The following LCT variants were observed in gnomAD, a reference collection of about 807,000 sequenced individuals.
LCT encodes lactase/phlorizin hydrolase.
In LCT, 90 loss-of-function variants were observed where a neutral mutation model predicts 173.0. The ratio of observed to expected loss-of-function variants is 0.52; its 90% CI spans 0.44 to 0.62. The LOEUF (loss-of-function observed/expected upper bound fraction) is 0.62. LCT is among the 20% of genes least tolerant of loss of function. The pLI is 0.00. For missense variants in LCT, 1,864 were observed against 2,431.4 expected (o/e 0.77, Z 4.91); for synonymous variants, 853 against 957.6 (o/e 0.89, Z 2.02).
chr2:135,789,498 A>C, intron 16 of LCT, 73 bp downstream of exon 16: 1 of 1,052,842 alleles, frequency 9.5e-7, no homozygotes, highest in Non-Finnish European at 1.5e-6. Context: ...AACTAGAAGA[A>C]AACAGACTGA....
chr2:135,830,229 T>C (rs896896273), intron 2 of LCT, among the ~76,000 whole-genome samples: 1 of 152,120 alleles, frequency 6.6e-6, no homozygotes, highest in African/African-American at 2.4e-5. Context: ...CACTGGGGAC[T>C]TCCTCTTTAG....
At position 135,803,989 on chromosome 2, in the gene LCT, G is replaced by A. The variant is rs747969940; in HGVS notation, c.4604C>T (p.Thr1535Met). The change falls in exon 11 of 17, where the codon ACG becomes ATG. Residue 1535 changes from threonine (T) to methionine (M), a missense_variant. Transcript: ENST00000264162. ...RLGDKVKFWI[T>M]LNEPFVIAYQ... ...AGCAATGACAAAGGGCTCATTCAGC[G>A]TGATCCAAAACTTCACCTTGTCTCC... The A allele has an allele frequency of 6.8e-6, 11 of 1,614,008 alleles. No individual in the cohort carries two copies. Among genetic ancestry groups the A allele is most frequent in the Non-Finnish European group, 8.5e-6 (10 of 1,180,002 alleles).
intron 2 of LCT, among the ~76,000 whole-genome samples, chr2:135,829,942 G>C (rs1271937904): frequency 6.6e-6 from 1 of 152,018 alleles, no homozygotes; most frequent in Non-Finnish European, 1.5e-5. Context: ...TCAGCACACA[G>C]AAAGCACGCA....
At chr2:135,828,187 T>C (rs1470457928) in intron 3 of LCT, among the ~76,000 whole-genome samples, 1 of 152,004 alleles carries the variant, frequency 6.6e-6, no homozygotes, top group Non-Finnish European at 1.5e-5. Flanking sequence ...ACCACACCCA[T>C]CTAATTTTTG....
intron 1 of LCT, among the ~76,000 whole-genome samples, chr2:135,834,808 A>AAAAAAAAAAAAAAAAAAAG (rs1222170749): frequency 7.2e-6 from 1 of 138,344 alleles, no homozygotes; most frequent in Admixed American, 7.8e-5. Context: ...AAAAAAAAAA[A>AAAAAAAAAAAAAAAAAAAG]AAGAAGAAGA....
Position 135,797,973 on chromosome 2 carries a change from A to T in LCT, c.4976+56T>A, listed in dbSNP as rs141348632. 1.3e-3 allele frequency: 1,261 copies of T among 943,980 alleles called. 6 individuals carry two copies. In the Middle Eastern group the frequency reaches 0.014, roughly 10 times the overall value. The allele number at this position is 943,980 out of a possible 1,614,324, so 58.5% of individuals were successfully genotyped here. A position where few individuals can be genotyped will look rare whatever the true frequency, so the allele number is the denominator to read the frequency against. On this transcript the variant is annotated intron_variant, in intron 13 of 16. Transcript: ENST00000264162. ...TCAGTCATGGTAACTTGCCCGAGACATGCCTCTGTGACCCCGACGCCCATG... is the reference window on the plus strand; with the variant it reads ...TCAGTCATGGTAACTTGCCCGAGACTTGCCTCTGTGACCCCGACGCCCATG...
intron 1 of LCT, among the ~76,000 whole-genome samples, chr2:135,834,427 C>T (rs1191949352): frequency 1.3e-5 from 2 of 149,668 alleles, no homozygotes; most frequent in Admixed American, 6.7e-5. Context: ...CCTTGTGACC[C>T]GCCTGCCTCA....
intron 7 of LCT, 91 bp downstream of exon 7, chr2:135,812,220 A>G: frequency 9.4e-7 from 1 of 1,066,910 alleles, no homozygotes; most frequent in South Asian, 1.2e-5. Flanking sequence ...CCATTTCTCT[A>G]GGAGACTTTC....
chr2:135,807,596 T>C (rs892504083), intron 8 of LCT, among the ~76,000 whole-genome samples, 200 bp from the exon 9 acceptor site: 2 of 152,110 alleles, frequency 1.3e-5, no homozygotes, highest in Non-Finnish European at 2.9e-5. Flanking sequence ...TGACTGATCA[T>C]CTCCAAATCA....
Position 135,790,508 on chromosome 2 carries a change from G to A in LCT, c.5335+150C>T, listed in dbSNP as rs1288423831. The A allele has an allele frequency of 3.2e-6, 2 of 630,790 alleles. No homozygotes were observed. Among genetic ancestry groups the A allele is most frequent in the Non-Finnish European group, 2.8e-6 (1 of 354,244 alleles). 39.1% of individuals were successfully genotyped at this position (630,790 alleles called of 1,614,324 possible). ...AGGAAGGAAAAAAACTCAGAGTGCG[G>A]CCCTAAAGCAAAGCTTAACCCCCAC... is the stretch of plus-strand genomic sequence containing the variant. On this transcript the variant is annotated intron_variant, in intron 15 of 16. Transcript: ENST00000264162. This position sits in a 1 kb window ranked among gnomAD's most constrained non-coding sequence, Gnocchi z 4.1.
chr2:135,795,270 C>T (rs898466186), intron 13 of LCT, among the ~76,000 whole-genome samples: 13 of 151,904 alleles, frequency 8.6e-5, no homozygotes, highest in African/African-American at 2.4e-4. Flanking sequence ...TGCAGTGGCG[C>T]GATCTCAGCT....
At chr2:135,835,036 C>A (rs1330780762) in intron 1 of LCT, among the ~76,000 whole-genome samples, 1 of 151,990 alleles carries the variant, frequency 6.6e-6, no homozygotes, top group Admixed American at 6.6e-5. Flanking sequence ...CAGATCTTTT[C>A]ACCTAGTAGT....
At chr2:135,824,109 G>C in intron 3 of LCT, 106 bp from the exon 4 acceptor site, 1 of 760,400 alleles carries the variant, frequency 1.3e-6, no homozygotes, top group Non-Finnish European at 2.4e-6. Flanking sequence ...CTCTGGCTTT[G>C]GAAATGACCT....
At position 135,817,395 on chromosome 2, in the gene LCT, A is replaced by G. The variant is rs2077788470; in HGVS notation, c.1653T>C (p.Tyr551=). Residue 551 remains tyrosine (Y), a synonymous_variant, in exon 6 of 17, where the codon TAT becomes TAC. Transcript: ENST00000264162. ...HEPWVMSYAG[Y]GTGQHPPGIS... ...TGCCGGGAGGGTGCTGGCCGGTGCC[A>G]TAGCCTGCGTAGCTCATCACCCACG... The G allele has an allele frequency of 1.2e-6, 2 of 1,614,136 alleles. No homozygotes were observed. The highest frequency in any genetic ancestry group is 8.5e-7 in the Non-Finnish European group (1 of 1,180,006).
At chr2:135,804,234 A>G in intron 10 of LCT, 106 bp from the exon 11 acceptor site, 1 of 908,088 alleles carries the variant, frequency 1.1e-6, no homozygotes, top group Non-Finnish European at 1.8e-6. Context: ...AGAGTGACTT[A>G]TGAGACAAAA....
chr2:135,833,424 A>G (rs1336850007), intron 1 of LCT, among the ~76,000 whole-genome samples: 1 of 123,290 alleles, frequency 8.1e-6, no homozygotes, highest in Non-Finnish European at 1.6e-5. Context: ...GCAAGGAGAG[A>G]ACTCCTTCCT....
intron 6 of LCT, among the ~76,000 whole-genome samples, chr2:135,815,969 G>A (rs2077778363): frequency 6.6e-6 from 1 of 152,116 alleles, no homozygotes. Flanking sequence ...CCAAAGTGCT[G>A]GGATTACAGG....
chr2:135,827,922 G>A (rs1001590003), intron 3 of LCT, among the ~76,000 whole-genome samples: 19 of 152,328 alleles, frequency 1.2e-4, no homozygotes, highest in African/African-American at 4.6e-4. Context: ...CAGACATTGG[G>A]ATAGGACTGG....
At chr2:135,828,871 A>T (rs74741604) in intron 3 of LCT, among the ~76,000 whole-genome samples, 1,795 of 152,186 alleles carry the variant, frequency 0.012, 42 homozygotes, top group African/African-American at 0.041. Context: ...TTGTTTTTTT[A>T]AAAATGTGGT....
Sources: gnomAD v4.1 joint callset for allele counts (sites outside exome capture counted in the v4.1 genomes callset) on GRCh38, gnomAD v4.1.1 for gene constraint, Gnocchi (gnomAD v3.1) non-coding constraint, MANE v1.5 for transcripts, NCBI Gene and HGNC (gene_info 2026-07-23, HGNC 2026-07-21) for gene names.